ELAPOR2: variants seen among roughly 807,000 people sequenced by gnomAD.
ELAPOR2 encodes the protein endosome-lysosome associated apoptosis and autophagy regulator family member 2.
Under a neutral mutation model 120.7 loss-of-function variants are expected in ELAPOR2, and 89 were observed. That is an observed-to-expected ratio of 0.74 (90% CI 0.62 to 0.88). The LOEUF is 0.88. Among genes scored for constraint, ELAPOR2 ranks in the 40% least tolerant of loss-of-function variants. ELAPOR2 has a pLI of 0.00. For missense variants in ELAPOR2, 1,134 were observed against 1,251.6 expected (o/e 0.91, Z 1.42); for synonymous variants, 444 against 444.9 (o/e 1.00, Z 0.03).
At chr7:86,986,554 T>C (rs1418782631) in intron 1 of ELAPOR2, among the ~76,000 whole-genome samples, 1 of 127,604 alleles carries the variant, frequency 7.8e-6, no homozygotes. Context: ...TACACACCAT[T>C]AACAGACAAA....
At chr7:86,976,725 CT>C (rs1420054686) in intron 1 of ELAPOR2, among the ~76,000 whole-genome samples, 11 of 152,138 alleles carry the variant, frequency 7.2e-5, no homozygotes, top group African/African-American at 2.4e-4. Context: ...TTATAAGGAT[CT>C]AGAGATTCAC....
intron 18 of ELAPOR2, among the ~76,000 whole-genome samples, chr7:86,901,041 T>G (rs1288303421): frequency 1.3e-5 from 2 of 152,204 alleles, no homozygotes; most frequent in Non-Finnish European, 2.9e-5. Flanking sequence ...TTTTATAATT[T>G]TTGGTTTATG....
chr7:87,018,319 G>A (rs1273642675), intron 1 of ELAPOR2, among the ~76,000 whole-genome samples: 3 of 151,960 alleles, frequency 2.0e-5, no homozygotes, highest in Non-Finnish European at 4.4e-5. Flanking sequence ...GATTACAGGC[G>A]CGAGCCACCA....
rs541308055 is a variant in ELAPOR2, at chr7:87,041,286, A to G, written c.189+18039T>C. On this transcript the variant is annotated intron_variant, in intron 1 of 21. Transcript: ENST00000450689. ...AACGCCACAAAGATACTCCTCGAGA[A>G]GAGCAACTCCAAGACACATAATTGT... Among the ~76,000 whole-genome samples the G allele has an allele frequency of 4.9e-3, 750 of 152,188 alleles. 4 individuals carry two copies. Among genetic ancestry groups the G allele is most frequent in the Non-Finnish European group, 7.7e-3 (525 of 67,986 alleles).
chr7:86,981,885 A>C lies in ELAPOR2; in HGVS notation c.190-16861T>G, dbSNP rs1633455. Among the ~76,000 whole-genome samples the C allele has an allele frequency of 2.0e-5, 3 of 152,098 alleles. No individual in the cohort carries two copies. The East Asian group carries it at 5.8e-4, about 29-fold the overall frequency. ...CCTCAACTGGGAAGCACAAGGGGTC[A>C]GGGGATTTCCCTTTCCTAGCCAAGG... On this transcript the variant is annotated intron_variant, in intron 1 of 21. Coordinates refer to ENST00000450689, the MANE Select transcript of ELAPOR2 (RefSeq NM_001142749.3).
At chr7:87,002,615 G>A (rs371956214) in intron 1 of ELAPOR2, among the ~76,000 whole-genome samples, 13 of 152,150 alleles carry the variant, frequency 8.5e-5, no homozygotes, top group African/African-American at 2.2e-4. Flanking sequence ...GCAGGGGTAG[G>A]CAGAACACTC....
intron 1 of ELAPOR2, among the ~76,000 whole-genome samples, chr7:87,045,930 C>G (rs1794939948): frequency 6.6e-6 from 1 of 151,600 alleles, no homozygotes; most frequent in Non-Finnish European, 1.5e-5. Context: ...CTGTTATTCA[C>G]CATAGTACTG....
In ELAPOR2 at chr7:86,877,476, A is replaced by C. The variant is rs557473736; in HGVS notation, c.*2995T>G. The C allele has an allele frequency of 6.6e-6, 1 of 152,318 alleles. No individual in the cohort carries two copies. Among genetic ancestry groups the C allele is most frequent in the South Asian group, 2.1e-4 (1 of 4,822 alleles). The allele number at this position is 152,318 out of a possible 1,614,324, so 9.4% of individuals were successfully genotyped here. On this transcript the variant is annotated 3_prime_UTR_variant, in exon 22 of 22. Coordinates refer to ENST00000450689, the MANE Select transcript of ELAPOR2 (RefSeq NM_001142749.3). Reference sequence around the variant, plus strand: ...GATCAACTCTACATACTCTTAGTGTACAAAGATAAACGTGAGCAGTACACT... The same window carrying C: ...GATCAACTCTACATACTCTTAGTGTCCAAAGATAAACGTGAGCAGTACACT...
At chr7:86,936,295 G>GC (rs1184436136) in intron 8 of ELAPOR2, among the ~76,000 whole-genome samples, 1 of 152,028 alleles carries the variant, frequency 6.6e-6, no homozygotes, top group Admixed American at 6.6e-5. Flanking sequence ...ATGGCACACT[G>GC]CAGCCTCAAA....
At chr7:86,937,302 A>G (rs149770725) in intron 8 of ELAPOR2, among the ~76,000 whole-genome samples, 105 of 152,282 alleles carry the variant, frequency 6.9e-4, no homozygotes, top group African/African-American at 2.5e-3. Flanking sequence ...AATCTAGATT[A>G]GAATCTAGGG....
At chr7:86,924,374 T>TACACACAA (rs1789963252) in intron 10 of ELAPOR2, among the ~76,000 whole-genome samples, 1 of 145,238 alleles carries the variant, frequency 6.9e-6, no homozygotes, top group African/African-American at 2.5e-5. Context: ...AGTAAGTGAA[T>TACACACAA]ACACACACAC....
Position 86,958,875 on chromosome 7 carries a change from G to C in ELAPOR2, c.310+6029C>G, listed in dbSNP as rs183564785. On this transcript the variant is annotated intron_variant, in intron 2 of 21. Transcript: ENST00000450689. ...TTTTTTTCCATTTCTAGAGATTCTT[G>C]AGGTTTTAATAGAGATTGCATTAAA... 4.1e-3 allele frequency among the ~76,000 whole-genome samples: 621 copies of C among 152,246 alleles called. 2 individuals are homozygous for C. The highest frequency in any genetic ancestry group is 6.2e-3 in the Non-Finnish European group (423 of 68,008).
chr7:86,984,248 C>T (rs1051073254), intron 1 of ELAPOR2, among the ~76,000 whole-genome samples: 1 of 152,132 alleles, frequency 6.6e-6, no homozygotes, highest in Non-Finnish European at 1.5e-5. Flanking sequence ...GAGACTTTAA[C>T]ACCCCACTGT....
Position 86,938,210 on chromosome 7 carries a change from T to C in ELAPOR2, c.1005A>G (p.Glu335=), listed in dbSNP as rs2116320757. 2.6e-6 allele frequency: 4 copies of C among 1,548,924 alleles called. No homozygotes were observed. Among genetic ancestry groups the C allele is most frequent in the Non-Finnish European group, 3.5e-6 (4 of 1,144,656 alleles). Residue 335 remains glutamate (E), a synonymous_variant, in exon 8 of 22, where the codon GAA becomes GAG. Coordinates refer to ENST00000450689, the MANE Select transcript of ELAPOR2 (RefSeq NM_001142749.3). ...RCKDDSQFSE[E]GSSECTERPP... ...GGCGCTCTGTACACTCACTGGATCC[T>C]TCCTCTGCAACATAAAAAAAGCGTT...
At position 86,877,904 on chromosome 7, in the gene ELAPOR2, T is replaced by C. The variant is rs1327033809; in HGVS notation, c.*2567A>G. On this transcript the variant is annotated 3_prime_UTR_variant, in exon 22 of 22. Coordinates refer to ENST00000450689, the MANE Select transcript of ELAPOR2 (RefSeq NM_001142749.3). ...CAACAATAATGAAATTCAGGTTTTT[T>C]AATTCAGTGAACACATATCAAAATG... 1.3e-5 allele frequency: 2 copies of C among 152,232 alleles called. No individual in the cohort carries two copies. Among genetic ancestry groups the C allele is most frequent in the African/African-American group, 4.8e-5 (2 of 41,476 alleles). The allele number at this position is 152,232 out of a possible 1,614,324, so 9.4% of individuals were successfully genotyped here.
At chr7:86,961,693 A>G (rs1044161622) in intron 2 of ELAPOR2, among the ~76,000 whole-genome samples, 10 of 152,256 alleles carry the variant, frequency 6.6e-5, no homozygotes, top group Admixed American at 3.3e-4. Context: ...GAATGACCCA[A>G]CAGTGAAGAA....
intron 1 of ELAPOR2, among the ~76,000 whole-genome samples, chr7:87,047,995 C>T (rs1795003030): frequency 6.6e-6 from 1 of 152,096 alleles, no homozygotes; most frequent in Non-Finnish European, 1.5e-5. Flanking sequence ...CCTGTAATCC[C>T]AGAACTTTGG....
chr7:86,995,742 G>A (rs1244557622), intron 1 of ELAPOR2, among the ~76,000 whole-genome samples: 4 of 152,154 alleles, frequency 2.6e-5, no homozygotes, highest in Non-Finnish European at 4.4e-5. Flanking sequence ...TAAACTTGAA[G>A]GATAGGAGAG....
At chr7:86,885,252 T>A (rs956842753) in intron 21 of ELAPOR2, among the ~76,000 whole-genome samples, 2 of 152,112 alleles carry the variant, frequency 1.3e-5, no homozygotes, top group Non-Finnish European at 2.9e-5. Context: ...CAAAAGGACA[T>A]AAAACCTGCA....
Sources: gnomAD v4.1 joint callset for allele counts (sites outside exome capture counted in the v4.1 genomes callset) on GRCh38, gnomAD v4.1.1 for gene constraint, MANE v1.5 for transcripts, NCBI Gene and HGNC (gene_info 2026-07-23, HGNC 2026-07-21) for gene names.